GFM1: variants seen among roughly 807,000 people sequenced by gnomAD.
GFM1 encodes the protein G elongation factor mitochondrial 1.
Under a neutral mutation model 96.2 loss-of-function variants are expected in GFM1, and 62 were observed. The ratio of observed to expected loss-of-function variants is 0.64; its 90% confidence interval spans 0.53 to 0.80. The LOEUF is 0.80. GFM1 is among the 30% of genes least tolerant of loss of function. The pLI is 0.00. For missense variants in GFM1, 852 were observed against 916.6 expected, an observed-to-expected ratio of 0.93 and a Z score of 0.91; for synonymous variants, 282 against 312.9, an observed-to-expected ratio of 0.90 and a Z score of 1.04.
intron 11 of GFM1, among the ~76,000 whole-genome samples, chr3:158,664,358 T>C (rs1576753187): frequency 6.6e-6 from 1 of 152,234 alleles, no homozygotes; most frequent in Admixed American, 6.5e-5. Flanking sequence ...TTTTCCTTTC[T>C]GGAGGCTCTA....
intron 13 of GFM1, among the ~76,000 whole-genome samples, chr3:158,678,223 G>A (rs1037952781): frequency 5.9e-5 from 9 of 152,126 alleles, no homozygotes; most frequent in Non-Finnish European, 1.3e-4. Context: ...TTCCATGCCC[G>A]CCAATACAAC....
At position 158,690,265 on chromosome 3, in the gene GFM1, G is replaced by T. The variant is rs780073215; in HGVS notation, c.2012G>T (p.Arg671Leu). 6 of 1,613,720 alleles carry T rather than the reference G, an allele frequency of 3.7e-6. No homozygotes were observed. Among genetic ancestry groups the T allele is most frequent in the Admixed American group, 1.7e-5 (1 of 59,984 alleles). The change falls in exon 16 of 18, where the codon CGC becomes CTC. Residue 671 changes from arginine to leucine, a missense_variant. Transcript: ENST00000486715. ...QGQVIAGINR[R>L]HGVITGQDGV... is the part of the protein sequence containing the mutation. The stretch of plus-strand genomic sequence containing the variant: ...CAAGTAATTGCAGGAATTAACCGAC[G>T]CCATGGGGTAATCACTGGGCAAGAT...
At chr3:158,652,323 C>G (rs935241149) in intron 6 of GFM1, 77 bp downstream of exon 6, 27 of 1,222,294 alleles carry the variant, frequency 2.2e-5, no homozygotes, top group Non-Finnish European at 3.3e-5. Flanking sequence ...GGACATGATG[C>G]TTTTATGTAT....
At chr3:158,658,810 G>C (rs1722966800) in intron 8 of GFM1, 112 bp from the exon 9 acceptor site, 1 of 1,118,724 alleles carries the variant, frequency 8.9e-7, no homozygotes, top group Non-Finnish European at 1.3e-6. Context: ...ATGTAAGATA[G>C]ATTACTAAAA....
Position 158,690,322 on chromosome 3 carries a change from A to G in GFM1, c.2069A>G (p.Asp690Gly), listed in dbSNP as rs774969160. 2 of 1,613,312 alleles carry G rather than the reference A, an allele frequency of 1.2e-6. No individual in the cohort carries two copies. Among genetic ancestry groups the G allele is most frequent in the South Asian group, 1.1e-5 (1 of 91,070 alleles). The change falls in exon 16 of 18, where the codon GAT (aspartate) becomes GGT (glycine). Residue 690 changes from aspartate to glycine, a missense_variant and splice_region_variant. By Grantham distance (94) the Asp-to-Gly change is moderately conservative. Coordinates refer to ENST00000486715, the MANE Select transcript of GFM1 (RefSeq NM_024996.7). ...GVEDYFTLYA[D>G]VPLNDMFGYS... is the part of the protein sequence containing the mutation. ...GAGGACTATTTTACACTGTATGCAG[A>G]TGTAAGTAGTCTTGGTCATTGGCAG...
Position 158,677,095 on chromosome 3 carries a change from T to C in GFM1, c.1602-4900T>C, listed in dbSNP as rs151335044. 5.9e-3 allele frequency among the ~76,000 whole-genome samples: 893 copies of C among 152,344 alleles called. 9 individuals carry two copies. The highest frequency in any genetic ancestry group is 8.1e-3 in the Non-Finnish European group (549 of 68,030). On this transcript the variant is annotated intron_variant, in intron 13 of 17. Coordinates refer to ENST00000486715, the MANE Select transcript of GFM1 (RefSeq NM_024996.7). ...ATTTCAAACTTTTTCATTATTATTA[T>C]ATCTGTTATGGTGATCTGTGATTGG...
At chr3:158,691,263 G>T (rs973690887) in intron 17 of GFM1, 71 bp downstream of exon 17, 1 of 1,606,490 alleles carries the variant, frequency 6.2e-7, no homozygotes, top group Non-Finnish European at 8.5e-7. Flanking sequence ...TCTTGACCTT[G>T]TATGACTTTT....
rs1222290873 is a variant in GFM1, at chr3:158,695,095, C to T, written c.*3628C>T. On this transcript the variant is annotated 3_prime_UTR_variant, in exon 18 of 18. Coordinates refer to ENST00000486715, the MANE Select transcript of GFM1 (RefSeq NM_024996.7). ...TGTGCTAGAAAAGATATTCTGAGGC[C>T]GGATGTGGTGGCTCACGCCTGTAAT... is the stretch of plus-strand genomic sequence containing the variant. Among the ~76,000 whole-genome samples the T allele has an allele frequency of 6.6e-6, 1 of 152,178 alleles. No homozygotes were observed. The highest frequency in any genetic ancestry group is 1.5e-5 in the Non-Finnish European group (1 of 68,034).
intron 5 of GFM1, 101 bp from the exon 6 acceptor site, chr3:158,651,995 T>C: frequency 1.0e-6 from 1 of 1,000,234 alleles, no homozygotes; most frequent in Non-Finnish European, 1.5e-6. Context: ...GAGCTCTTTG[T>C]TACCTAAAAA....
At chr3:158,668,775 G>T (rs1360090896) in intron 13 of GFM1, among the ~76,000 whole-genome samples, 1 of 152,140 alleles carries the variant, frequency 6.6e-6, no homozygotes, top group South Asian at 2.1e-4. Context: ...GCATCTCTCA[G>T]CCAAATCAAA....
At chr3:158,651,371 T>C (rs2060017) in intron 5 of GFM1, among the ~76,000 whole-genome samples, 62,797 of 151,696 alleles carry the variant, frequency 0.41, 14,076 homozygotes, top group African/African-American at 0.6. Context: ...AGATGGGCCC[T>C]AGGCAGGTTG....
intron 4 of GFM1, 82 bp from the exon 5 acceptor site, chr3:158,648,959 A>C (rs1722071051): frequency 1.2e-5 from 9 of 768,638 alleles, no homozygotes; most frequent in Non-Finnish European, 1.2e-5. Flanking sequence ...TCTGCCACTG[A>C]TTTTTTAAAA....
intron 1 of GFM1, 129 bp downstream of exon 1, chr3:158,644,844 C>T: frequency 1.2e-6 from 1 of 801,446 alleles, no homozygotes; most frequent in South Asian, 1.5e-5. Context: ...AGTCGCTCGT[C>T]AGTGCTGAAA....
intron 7 of GFM1, 79 bp downstream of exon 7, chr3:158,653,546 T>G: frequency 9.4e-7 from 1 of 1,063,046 alleles, no homozygotes; most frequent in Non-Finnish European, 1.4e-6. Context: ...TAAGGATAGT[T>G]CTTTTAATTA....
intron 13 of GFM1, chr3:158,669,378 G>T: frequency 6.6e-7 from 1 of 1,504,980 alleles, no homozygotes; most frequent in South Asian, 1.2e-5. Context: ...ACAGATAATT[G>T]AGATTGATTT....
intron 5 of GFM1, 22 bp downstream of exon 5, chr3:158,649,179 T>A: frequency 1.1e-6 from 1 of 933,368 alleles, no homozygotes; most frequent in Non-Finnish European, 1.8e-6. Flanking sequence ...AAATACATTA[T>A]TAAAATTTTA....
In GFM1 at chr3:158,645,664, G is replaced by T. The variant is rs754920584; in HGVS notation, c.117G>T (p.Gly39=). The T allele has an allele frequency of 1.9e-6, 3 of 1,610,744 alleles. No homozygotes were observed. The East Asian group carries it at 6.7e-5, about 36-fold the overall frequency. Residue 39 remains glycine (G), a synonymous_variant, in exon 2 of 18, where the codon GGG becomes GGT. Transcript: ENST00000486715. The part of the protein sequence containing the change: ...NWKACRWSSS[G]VIPNEKIRNI... ...AGGCCTGCCGATGGTCTTCATCAGG[G>T]GTGATTCCTAATGAAAAAATACGAA...
chr3:158,648,947 T>G, intron 4 of GFM1, 94 bp from the exon 5 acceptor site: 1 of 739,228 alleles, frequency 1.4e-6, no homozygotes, highest in Non-Finnish European at 2.5e-6. Context: ...AGTTCTCCAG[T>G]GTCTGCCACT....
At position 158,653,456 on chromosome 3, in the gene GFM1, C is replaced by A. The variant is rs531887279; in HGVS notation, c.987C>A (p.Leu329=). Residue 329 remains leucine (L), a synonymous_variant, in exon 7 of 18, where the codon CTC becomes CTA. Coordinates refer to ENST00000486715, the MANE Select transcript of GFM1 (RefSeq NM_024996.7). The part of the protein sequence containing the change: ...NPSEVQNYAI[L]NKEDDSKEKT... ...CTGAAGTCCAGAACTATGCTATTCT[C>A]AATAAAGAGGAGTAAGTCTTGAAAA... 32 of 1,611,878 alleles carry A rather than the reference C, an allele frequency of 2.0e-5. No individual in the cohort carries two copies. In the South Asian group the frequency reaches 3.5e-4, roughly 18 times the overall value.
Sources: allele counts gnomAD v4.1 joint callset (sites outside exome capture counted in the v4.1 genomes callset), GRCh38; gene constraint gnomAD v4.1.1; transcripts MANE v1.5; gene names NCBI Gene and HGNC (gene_info 2026-07-23, HGNC 2026-07-21).